The following MYLK variants were observed in gnomAD, a reference collection of about 807,000 sequenced individuals.
MYLK encodes myosin light chain kinase, also known as myosin light chain kinase, smooth muscle.
A neutral mutation model predicts 203.4 loss-of-function variants in MYLK; 106 were observed. The observed-to-expected ratio is 0.52, with a 90% CI of 0.45 to 0.61. The LOEUF is 0.61. MYLK is among the 20% of genes least tolerant of loss of function. MYLK has a pLI of 0.00. For synonymous variants in MYLK, 867 were observed against 959.5 expected (o/e 0.90, Z 1.78); for missense variants, 2,072 against 2,442.3 (o/e 0.85, Z 3.20).
At chr3:123,630,141 G>GGATA (rs1297191410) in intron 29 of MYLK, among the ~76,000 whole-genome samples, 1 of 152,164 alleles carries the variant, frequency 6.6e-6, no homozygotes, top group East Asian at 1.9e-4. Flanking sequence ...TGTGCCCAAT[G>GGATA]GATAGATGGA....
At chr3:123,720,603 C>T (rs2062054919) in intron 13 of MYLK, among the ~76,000 whole-genome samples, 1 of 152,188 alleles carries the variant, frequency 6.6e-6, no homozygotes, top group African/African-American at 2.4e-5. Context: ...ATCACAATTT[C>T]CTGAGCTCCC....
At chr3:123,867,171 T>C (rs1219316809) in intron 2 of MYLK, among the ~76,000 whole-genome samples, 1 of 152,030 alleles carries the variant, frequency 6.6e-6, no homozygotes, top group Non-Finnish European at 1.5e-5. Flanking sequence ...ACTACCACTG[T>C]CCATAATTTT....
At chr3:123,752,762 T>C (rs565340881) in intron 4 of MYLK, among the ~76,000 whole-genome samples, 1 of 152,188 alleles carries the variant, frequency 6.6e-6, no homozygotes, top group Admixed American at 6.5e-5. Flanking sequence ...GGGTCCAGAA[T>C]CCACTATGCA....
rs1441128711 is a variant in MYLK, at chr3:123,837,994, T to A, written c.-126-6324A>T. 2.6e-5 allele frequency among the ~76,000 whole-genome samples: 4 copies of A among 151,986 alleles called. No individual in the cohort carries two copies. The East Asian group carries it at 7.7e-4, about 29-fold the overall frequency. ...AGAAAGAGAAGAAATAGAGGATGAG[T>A]CAGAAGAAATACTTACATAATAATT... On this transcript the variant is annotated intron_variant, in intron 2 of 33. Transcript: ENST00000360304.
intron 16 of MYLK, among the ~76,000 whole-genome samples, chr3:123,702,815 C>A (rs2061299037): frequency 6.6e-6 from 1 of 152,192 alleles, no homozygotes; most frequent in Admixed American, 6.5e-5. Flanking sequence ...ATAGCAAGAC[C>A]TTACCTCTAT....
chr3:123,824,153 G>T (rs569883978), intron 3 of MYLK, among the ~76,000 whole-genome samples: 1 of 150,730 alleles, frequency 6.6e-6, no homozygotes, highest in Non-Finnish European at 1.5e-5. Flanking sequence ...GCAATGGCGC[G>T]ATCTCAGCTC....
chr3:123,741,025 T>C (rs754928925), intron 5 of MYLK, among the ~76,000 whole-genome samples: 3 of 152,190 alleles, frequency 2.0e-5, no homozygotes, highest in African/African-American at 4.8e-5. Flanking sequence ...TTTTTTGAGA[T>C]GATGATCACC....
intron 27 of MYLK, among the ~76,000 whole-genome samples, chr3:123,641,904 G>C (rs2108126314): frequency 6.7e-6 from 1 of 148,728 alleles, no homozygotes; most frequent in Non-Finnish European, 1.5e-5. Flanking sequence ...TTCCAGGCTT[G>C]AATGCAGTTC....
chr3:123,620,619 C>T, intron 31 of MYLK: 1 of 1,206,892 alleles, frequency 8.3e-7, no homozygotes. Flanking sequence ...CCTTTTCATA[C>T]AGTGCTTCAA....
intron 3 of MYLK, among the ~76,000 whole-genome samples, chr3:123,813,876 C>T (rs2065649646): frequency 6.6e-6 from 1 of 152,148 alleles, no homozygotes; most frequent in African/African-American, 2.4e-5. Context: ...AGAATGTCCT[C>T]CAACCTCCTT....
chr3:123,699,292 C>A (rs1384589725), intron 18 of MYLK, among the ~76,000 whole-genome samples: 2 of 152,146 alleles, frequency 1.3e-5, no homozygotes, highest in Admixed American at 1.3e-4. Context: ...CTGAAAACTC[C>A]AGACCCCAAA....
At chr3:123,814,172 T>G in intron 3 of MYLK, 1 of 329,250 alleles carries the variant, frequency 3.0e-6, no homozygotes, top group Admixed American at 3.0e-5. Context: ...TGTTCCTGTG[T>G]CTCGGGCTCA....
intron 8 of MYLK, among the ~76,000 whole-genome samples, chr3:123,736,452 C>A (rs758562087): frequency 8.5e-5 from 13 of 152,260 alleles, no homozygotes; most frequent in Admixed American, 6.5e-4. Flanking sequence ...AGTTCCTGCT[C>A]CAGTAAAGTG....
At chr3:123,617,590 G>A (rs2057576430) in intron 33 of MYLK, 1 of 152,228 alleles carries the variant, frequency 6.6e-6, no homozygotes, top group Admixed American at 6.5e-5. Flanking sequence ...CATTGCTGGA[G>A]AATCAAAGAA....
At chr3:123,765,557 AC>A (rs1230275948) in intron 4 of MYLK, among the ~76,000 whole-genome samples, 4 of 152,158 alleles carry the variant, frequency 2.6e-5, no homozygotes, top group East Asian at 3.9e-4. Flanking sequence ...AGGAAAAAAA[AC>A]AAAAGAAAAA....
chr3:123,634,359 G>C (rs372629694), intron 29 of MYLK, among the ~76,000 whole-genome samples: 1 of 152,192 alleles, frequency 6.6e-6, no homozygotes, highest in Non-Finnish European at 1.5e-5. Flanking sequence ...GGATCTGGCT[G>C]AGGAGCCCTG....
intron 3 of MYLK, among the ~76,000 whole-genome samples, chr3:123,824,532 T>A (rs2066048224): frequency 6.6e-6 from 1 of 152,216 alleles, no homozygotes; most frequent in African/African-American, 2.4e-5. Flanking sequence ...TGGTAGAATG[T>A]CATGTCATGT....
chr3:123,872,203 T>A (rs1043993667), intron 2 of MYLK, among the ~76,000 whole-genome samples: 2 of 152,104 alleles, frequency 1.3e-5, no homozygotes, highest in Non-Finnish European at 2.9e-5. Context: ...GTAGAGGAGA[T>A]TTATGAGAGT....
At chr3:123,624,821 G>C (rs1338871653) in intron 31 of MYLK, 3 of 152,170 alleles carry the variant, frequency 2.0e-5, no homozygotes, top group Non-Finnish European at 4.4e-5. Flanking sequence ...GAGGAGCACA[G>C]CTGATATGTG....
Sources: gnomAD v4.1 joint callset for allele counts (sites outside exome capture counted in the v4.1 genomes callset) on GRCh38, gnomAD v4.1.1 for gene constraint, MANE v1.5 for transcripts, NCBI Gene and HGNC (gene_info 2026-07-23, HGNC 2026-07-21) for gene names.